OR14J1: variants seen among roughly 807,000 people sequenced by gnomAD.
OR14J1 encodes the protein olfactory receptor family 14 subfamily J member 1, also known as olfactory receptor 14J1.
For synonymous variants in OR14J1, 140 were observed against 146.7 expected (o/e 0.95, Z 0.33); for missense variants, 378 against 393.4 (o/e 0.96, Z 0.33).
In OR14J1 at chr6:29,310,651, A is replaced by C. The variant is rs1775439882; in HGVS notation, c.*2996A>C. On this transcript the variant is annotated 3_prime_UTR_variant, in exon 2 of 2. Coordinates refer to ENST00000641895, the MANE Select transcript of OR14J1 (RefSeq NM_030946.2). ...GTAGTTTTTTCCTATTCTGTGAAGA[A>C]AGTCAATGGTAACTTGATGGGGATA... 6.6e-6 allele frequency: 1 copy of C among 152,204 alleles called. No individual in the cohort carries two copies. The highest frequency in any genetic ancestry group is 6.5e-5 in the Admixed American group (1 of 15,284). The allele number at this position is 152,204 out of a possible 1,614,324, so 9.4% of individuals were successfully genotyped here. A position where few individuals can be genotyped will look rare whatever the true frequency, so the allele number is the denominator to read the frequency against.
At position 29,307,448 on chromosome 6, in the gene OR14J1, A is replaced by T. The variant is rs1379372854; in HGVS notation, c.759A>T (p.Ala253=). 2 of 1,612,922 alleles carry T rather than the reference A, an allele frequency of 1.2e-6. No homozygotes were observed. The highest frequency in any genetic ancestry group is 1.7e-6 in the Non-Finnish European group (2 of 1,180,026). ...TAGCCACCTTCTTTCTTTCAGCTGC[A>T]GGCTTTGAGTTTCTCAGACTGCCTT... ...LFVATFFLSA[A]GFEFLRLPSD... is the part of the protein sequence containing the mutation. Residue 253 remains alanine, a synonymous_variant, in exon 2 of 2, where the codon GCA becomes GCT. Coordinates refer to ENST00000641895, the MANE Select transcript of OR14J1 (RefSeq NM_030946.2).
Position 29,307,014 on chromosome 6 carries a change from G to A in OR14J1, c.325G>A (p.Glu109Lys). ...VFFFIALASS[E>K]VAILTVMSYD... is the part of the protein sequence containing the mutation. The stretch of plus-strand genomic sequence containing the variant: ...CTTCTTCATAGCTCTGGCCTCATCA[G>A]AAGTGGCCATTCTCACAGTGATGTC... Residue 109 changes from glutamate (E) to lysine (K), a missense_variant, in exon 2 of 2, where the codon GAA becomes AAA. Physicochemically the swap from Glu to Lys is moderately conservative, Grantham distance 56. Coordinates refer to ENST00000641895, the MANE Select transcript of OR14J1 (RefSeq NM_030946.2). 1 of 1,613,050 alleles carries A rather than the reference G, an allele frequency of 6.2e-7. No individual in the cohort carries two copies. The highest frequency in any genetic ancestry group is 8.5e-7 in the Non-Finnish European group (1 of 1,180,026).
chr6:29,303,482 T>C (rs1011864498), intron 1 of OR14J1, among the ~76,000 whole-genome samples: 2 of 152,246 alleles, frequency 1.3e-5, no homozygotes, highest in Admixed American at 1.3e-4. Context: ...TAGTTATTTG[T>C]GGATTTGCTG....
intron 1 of OR14J1, among the ~76,000 whole-genome samples, chr6:29,304,214 A>G (rs558525254): frequency 6.6e-6 from 1 of 152,356 alleles, no homozygotes; most frequent in Admixed American, 6.5e-5. Flanking sequence ...TAGAGCAGCT[A>G]CTGGAATGAA....
chr6:29,306,220 T>C (rs1775072709), intron 1 of OR14J1, among the ~76,000 whole-genome samples: 1 of 152,218 alleles, frequency 6.6e-6, no homozygotes, highest in Non-Finnish European at 1.5e-5. Flanking sequence ...GCTTCTGAGC[T>C]GTTTCTAGAT....
Position 29,307,295 on chromosome 6 carries a change from G to T in OR14J1, c.606G>T (p.Thr202=), listed in dbSNP as rs190370907. ...INEIALAAFT[T]SAAFICLISI... ...AGATTGCACTGGCTGCATTCACAAC[G>T]TCTGCAGCATTTATCTGTTTGATCT... Residue 202 remains threonine, a synonymous_variant, in exon 2 of 2, where the codon ACG becomes ACT. Coordinates refer to ENST00000641895, the MANE Select transcript of OR14J1 (RefSeq NM_030946.2). 5 of 1,612,812 alleles carry T rather than the reference G, an allele frequency of 3.1e-6. No individual in the cohort carries two copies. In the South Asian group the frequency reaches 4.4e-5, roughly 14 times the overall value.
chr6:29,302,168 C>CTTTTTTTTTCTT (rs1180735666), intron 1 of OR14J1, among the ~76,000 whole-genome samples: 1 of 64,222 alleles, frequency 1.6e-5, no homozygotes, highest in African/African-American at 4.8e-5. Flanking sequence ...GATTTTTTTT[C>CTTTTTTTTTCTT]TTTTTTTTTT....
rs199859435 is a variant in OR14J1 at position 29,307,696 on chromosome 6, T to C, written c.*41T>C. ...AAAGGCATTGTTATTATGTTTCAGA[T>C]TGGAAGAGAGGTGAATCTTATTTCT... On this transcript the variant is annotated 3_prime_UTR_variant, in exon 2 of 2. Transcript: ENST00000641895. The C allele has an allele frequency of 2.5e-4, 298 of 1,208,644 alleles. No homozygotes were observed. The highest frequency in any genetic ancestry group is 9.7e-4 in the Middle Eastern group (5 of 5,136). The allele number at this position is 1,208,644 out of a possible 1,614,324, so 74.9% of individuals were successfully genotyped here. A position where few individuals can be genotyped will look rare whatever the true frequency, so the allele number is the denominator to read the frequency against.
At chr6:29,302,378 C>T (rs1298206756) in intron 1 of OR14J1, among the ~76,000 whole-genome samples, 1 of 151,716 alleles carries the variant, frequency 6.6e-6, no homozygotes, top group Non-Finnish European at 1.5e-5. Context: ...GGGGTTTCGC[C>T]ATTTTGGCCA....
At chr6:29,303,237 G>A (rs1055333746) in intron 1 of OR14J1, among the ~76,000 whole-genome samples, 8 of 152,188 alleles carry the variant, frequency 5.3e-5, no homozygotes, top group Admixed American at 1.3e-4. Context: ...GAAAGAAAGT[G>A]TCAGGACAAA....
In OR14J1 at chr6:29,309,065, T is replaced by C. The variant is rs936258791; in HGVS notation, c.*1410T>C. On this transcript the variant is annotated 3_prime_UTR_variant, in exon 2 of 2. Transcript: ENST00000641895. ...CAGGCCCCAGTGTGTGATGTTCCCCTACCTGTGTCCATGTGTTCTCATTGT... is the reference window on the plus strand; with the variant it reads ...CAGGCCCCAGTGTGTGATGTTCCCCCACCTGTGTCCATGTGTTCTCATTGT... The C allele has an allele frequency of 1.3e-5, 2 of 152,146 alleles. No individual in the cohort carries two copies. The highest frequency in any genetic ancestry group is 2.9e-5 in the Non-Finnish European group (2 of 68,028). 9.4% of individuals were successfully genotyped at this position (152,146 alleles called of 1,614,324 possible). A position where few individuals can be genotyped will look rare whatever the true frequency, so the allele number is the denominator to read the frequency against.
rs1775221728 is a variant in OR14J1 at position 29,307,768 on chromosome 6, A to T, written c.*113A>T. 1.7e-6 allele frequency: 1 copy of T among 603,338 alleles called. No individual in the cohort carries two copies. The highest frequency in any genetic ancestry group is 2.9e-5 in the Admixed American group (1 of 34,354). The allele number at this position is 603,338 out of a possible 1,614,324, so 37.4% of individuals were successfully genotyped here. A position where few individuals can be genotyped will look rare whatever the true frequency, so the allele number is the denominator to read the frequency against. ...TGTCTATTGTATATATTCCTCTCAA[A>T]TATAATTCTTTAAAATTTAAGATGT... On this transcript the variant is annotated 3_prime_UTR_variant, in exon 2 of 2. Transcript: ENST00000641895.
chr6:29,307,005 G>T lies in OR14J1; in HGVS notation c.316G>T (p.Ala106Ser), dbSNP rs941364403. Residue 106 changes from alanine (A) to serine (S), a missense_variant, in exon 2 of 2, where the codon GCC (alanine) becomes TCC (serine). Ala to Ser is a moderately conservative substitution (Grantham distance 99). Transcript: ENST00000641895. The stretch of plus-strand genomic sequence containing the variant: ...TCAGGTTTTCTTCTTCATAGCTCTG[G>T]CCTCATCAGAAGTGGCCATTCTCAC... ...ILQVFFFIAL[A>S]SSEVAILTVM... is the part of the protein sequence containing the mutation. 3.1e-6 allele frequency: 5 copies of T among 1,612,858 alleles called. No homozygotes were observed. In the African/African-American group the frequency reaches 6.7e-5, roughly 22 times the overall value.
Position 29,307,574 on chromosome 6 carries a change from G to T in OR14J1, c.885G>T (p.Met295Ile). Reference protein sequence around the residue: ...PVIYSLRNDSMKAALRKMLSK... With the variant: ...PVIYSLRNDSIKAALRKMLSK... Reference sequence around the variant, plus strand: ...TTTATAGCTTACGGAATGATTCCATGAAGGCAGCACTGAGGAAGATGCTGT... The same window carrying T: ...TTTATAGCTTACGGAATGATTCCATTAAGGCAGCACTGAGGAAGATGCTGT... Residue 295 changes from methionine (M) to isoleucine (I), a missense_variant, in exon 2 of 2, where the codon ATG (methionine) becomes ATT (isoleucine). Met to Ile is a conservative substitution (Grantham distance 10). Transcript: ENST00000641895. The T allele has an allele frequency of 3.1e-6, 5 of 1,612,400 alleles. No homozygotes were observed. Among genetic ancestry groups the T allele is most frequent in the Non-Finnish European group, 4.2e-6 (5 of 1,180,006 alleles).
In OR14J1 at chr6:29,308,465, T is replaced by G. The variant is rs937431056; in HGVS notation, c.*810T>G. 2 of 152,216 alleles carry G rather than the reference T, an allele frequency of 1.3e-5. No homozygotes were observed. Among genetic ancestry groups the G allele is most frequent in the African/African-American group, 4.8e-5 (2 of 41,444 alleles). 9.4% of individuals were successfully genotyped at this position (152,216 alleles called of 1,614,324 possible). ...TACTGGAGGTATTTATATTAATTCC[T>G]TTACTTTTCTGATCTGTACAAGAGT... On this transcript the variant is annotated 3_prime_UTR_variant, in exon 2 of 2. Coordinates refer to ENST00000641895, the MANE Select transcript of OR14J1 (RefSeq NM_030946.2).
chr6:29,303,976 T>G (rs936359677), intron 1 of OR14J1, among the ~76,000 whole-genome samples: 1 of 152,126 alleles, frequency 6.6e-6, no homozygotes, highest in African/African-American at 2.4e-5. Context: ...AGGTTGAGTA[T>G]AGGGTTGGTC....
In OR14J1 at chr6:29,311,645, C is replaced by A. The variant is rs931414091; in HGVS notation, c.*3990C>A. On this transcript the variant is annotated 3_prime_UTR_variant, in exon 2 of 2. Coordinates refer to ENST00000641895, the MANE Select transcript of OR14J1 (RefSeq NM_030946.2). ...CTCATAAAATGAGTTATGGAGGATT[C>A]CCTCTTTTTCTATTGTTTGGAATAT... The A allele has an allele frequency of 1.3e-5, 2 of 152,098 alleles. No homozygotes were observed. The highest frequency in any genetic ancestry group is 4.8e-5 in the African/African-American group (2 of 41,424). The allele number at this position is 152,098 out of a possible 1,614,324, so 9.4% of individuals were successfully genotyped here.
Position 29,306,760 on chromosome 6 carries a change from T to C in OR14J1, c.71T>C (p.Leu24Ser), listed in dbSNP as rs185848612. ...GFSDERKLQI[L>S]HALVFLVTYL... is the part of the protein sequence containing the mutation. ...TCTGATGAGCGTAAGCTTCAGATTT[T>C]ACATGCATTGGTATTTCTGGTGACA... The change falls in exon 2 of 2, where the codon TTA becomes TCA. Residue 24 changes from leucine to serine, a missense_variant. By Grantham distance (145) the Leu-to-Ser change is moderately radical. Transcript: ENST00000641895. The C allele has an allele frequency of 2.2e-4, 350 of 1,613,116 alleles. 2 individuals are homozygous for C. In the Admixed American group the frequency reaches 3.4e-3, roughly 16 times the overall value.
chr6:29,302,331 A>G (rs1774774950), intron 1 of OR14J1, among the ~76,000 whole-genome samples: 1 of 151,314 alleles, frequency 6.6e-6, no homozygotes, highest in Non-Finnish European at 1.5e-5. Flanking sequence ...GGTGCCCACC[A>G]CCGTGCCCGG....
Sources: allele counts gnomAD v4.1 joint callset (sites outside exome capture counted in the v4.1 genomes callset), GRCh38; gene constraint gnomAD v4.1.1; transcripts MANE v1.5; gene names NCBI Gene and HGNC (gene_info 2026-07-23, HGNC 2026-07-21).